MYRIP: variants seen among roughly 807,000 people sequenced by gnomAD.
The protein encoded by MYRIP is rab effector MyRIP.
MYRIP carries 49 observed loss-of-function variants against 98.0 expected under a neutral mutation model. The ratio of observed to expected loss-of-function variants is 0.50; its 90% CI spans 0.40 to 0.63. The LOEUF (loss-of-function observed/expected upper bound fraction) is 0.63, where lower values mean the gene tolerates loss of function less well. Ranked by LOEUF, MYRIP falls within the 30% of genes least tolerant of loss-of-function variation. The pLI is 0.00. For synonymous variants in MYRIP, 404 were observed against 409.5 expected, an observed-to-expected ratio of 0.99 and a Z score of 0.16; for missense variants, 1,004 against 1,058.2, an observed-to-expected ratio of 0.95 and a Z score of 0.71.
At chr3:39,874,880 C>T (rs946788436) in intron 1 of MYRIP, among the ~76,000 whole-genome samples, 2 of 152,070 alleles carry the variant, frequency 1.3e-5, no homozygotes, top group African/African-American at 4.8e-5. Context: ...AAGATTCCCT[C>T]TTTTTCTATT....
At chr3:39,844,013 C>T (rs1941886909) in intron 1 of MYRIP, among the ~76,000 whole-genome samples, 1 of 152,164 alleles carries the variant, frequency 6.6e-6, no homozygotes, top group Non-Finnish European at 1.5e-5. Context: ...GAGAGACCTC[C>T]ACAGATGTCA....
At position 39,868,325 on chromosome 3, in the gene MYRIP, G is replaced by T. The variant is rs145310489; in HGVS notation, c.-30-32462G>T. ...TTGTATCCATTTGACTTTTTTGGGG[G>T]TATTGAGGTCCCTAAAAGATAAATT... On this transcript the variant is annotated intron_variant, in intron 1 of 16. Transcript: ENST00000302541. Among the ~76,000 whole-genome samples the T allele has an allele frequency of 1.3e-3, 202 of 152,248 alleles. 4 individuals are homozygous for T. In the East Asian group the frequency reaches 0.017, roughly 13 times the overall value.
intron 1 of MYRIP, among the ~76,000 whole-genome samples, chr3:39,822,334 C>T (rs1226239322): frequency 1.3e-5 from 2 of 152,160 alleles, no homozygotes; most frequent in African/African-American, 4.8e-5. Context: ...ATACTTCTAG[C>T]TATTTGGAAC....
chr3:39,889,499 A>G (rs1482696423), intron 1 of MYRIP, among the ~76,000 whole-genome samples: 1 of 152,152 alleles, frequency 6.6e-6, no homozygotes, highest in African/African-American at 2.4e-5. Flanking sequence ...TGGACACAGG[A>G]AGGGGAACAT....
chr3:40,137,496 T>G (rs372151558), intron 3 of MYRIP, among the ~76,000 whole-genome samples: 20 of 152,194 alleles, frequency 1.3e-4, no homozygotes, highest in East Asian at 7.7e-4. Flanking sequence ...ACTATTCCAG[T>G]CAATAGAAAA....
At chr3:39,879,817 T>A (rs1385864493) in intron 1 of MYRIP, among the ~76,000 whole-genome samples, 1 of 152,078 alleles carries the variant, frequency 6.6e-6, no homozygotes, top group Non-Finnish European at 1.5e-5. Flanking sequence ...AGGTCTGGGA[T>A]CAGACAAGGA....
chr3:40,109,958 T>A (rs1470139058), intron 3 of MYRIP, among the ~76,000 whole-genome samples: 1 of 152,196 alleles, frequency 6.6e-6, no homozygotes, highest in African/African-American at 2.4e-5. Flanking sequence ...CAGGACACAG[T>A]CCCTGCCTAG....
rs371738545 is a variant in MYRIP at position 39,964,308 on chromosome 3, T to C, written c.110+63382T>C. Among the ~76,000 whole-genome samples, 8 of 152,212 alleles carry C rather than the reference T, an allele frequency of 5.3e-5. No homozygotes were observed. The East Asian group carries it at 1.5e-3, about 29-fold the overall frequency. The stretch of plus-strand genomic sequence containing the variant: ...GTTTTAAATGGTATACATGATAATA[T>C]AGCAGGTAAGAAGTTGCTGGCATGA... On this transcript the variant is annotated intron_variant, in intron 2 of 16. Transcript: ENST00000302541.
chr3:39,993,132 CTG>C, intron 2 of MYRIP, among the ~76,000 whole-genome samples: 1 of 152,230 alleles, frequency 6.6e-6, no homozygotes, highest in Non-Finnish European at 1.5e-5. Flanking sequence ...GGCATTCTTG[CTG>C]TGTCATCCCA....
At chr3:39,946,286 A>G (rs1191366224) in intron 2 of MYRIP, among the ~76,000 whole-genome samples, 2 of 152,156 alleles carry the variant, frequency 1.3e-5, no homozygotes, top group Non-Finnish European at 2.9e-5. Context: ...AAAATAAAGA[A>G]ATGAACATTG....
At chr3:40,083,892 C>CT (rs980707401) in intron 3 of MYRIP, among the ~76,000 whole-genome samples, 9 of 151,996 alleles carry the variant, frequency 5.9e-5, no homozygotes, top group African/African-American at 1.9e-4. Flanking sequence ...AATCCCAACA[C>CT]TTTGTGAGGC....
intron 3 of MYRIP, among the ~76,000 whole-genome samples, chr3:40,091,571 C>T (rs1948738074): frequency 6.6e-6 from 1 of 152,168 alleles, no homozygotes; most frequent in African/African-American, 2.4e-5. Context: ...CACCCCAGAC[C>T]TCTTCCTGTT....
At chr3:39,832,819 T>C (rs1941490895) in intron 1 of MYRIP, among the ~76,000 whole-genome samples, 1 of 152,206 alleles carries the variant, frequency 6.6e-6, no homozygotes, top group Non-Finnish European at 1.5e-5. Flanking sequence ...GGTGCCTGAA[T>C]ATATATCTTT....
chr3:39,901,366 AAGGAAACTGACCACC>A (rs1191855173), intron 2 of MYRIP, among the ~76,000 whole-genome samples: 1 of 152,196 alleles, frequency 6.6e-6, no homozygotes, highest in African/African-American at 2.4e-5. Context: ...GATCAGATAC[AAGGAAACTGACCACC>A]AGGCTGGGAT....
intron 2 of MYRIP, among the ~76,000 whole-genome samples, chr3:39,951,850 A>G (rs979934059): frequency 6.6e-5 from 10 of 152,102 alleles, no homozygotes; most frequent in African/African-American, 2.2e-4. Flanking sequence ...ATCTTTATAA[A>G]ACTGTCACTT....
At chr3:40,237,204 C>G (rs543459989) in intron 12 of MYRIP, among the ~76,000 whole-genome samples, 1 of 152,132 alleles carries the variant, frequency 6.6e-6, no homozygotes, top group Non-Finnish European at 1.5e-5. Context: ...AAGTTGAAGA[C>G]TCTCTTCCTT....
chr3:40,259,553 T>G lies in MYRIP; in HGVS notation c.*1387T>G, dbSNP rs554650531. Reference sequence around the variant, plus strand: ...ATTTGCCAAAGCCACACCTTTATGCTAATTATGATTGGAATGCATCACAAA... The same window carrying G: ...ATTTGCCAAAGCCACACCTTTATGCGAATTATGATTGGAATGCATCACAAA... On this transcript the variant is annotated 3_prime_UTR_variant, in exon 17 of 17. Transcript: ENST00000302541. 12 of 152,376 alleles carry G rather than the reference T, an allele frequency of 7.9e-5. No individual in the cohort carries two copies. The highest frequency in any genetic ancestry group is 2.2e-4 in the African/African-American group (9 of 41,586). The allele number at this position is 152,376 out of a possible 1,614,324, so 9.4% of individuals were successfully genotyped here.
At chr3:39,927,754 G>T (rs1391653615) in intron 2 of MYRIP, among the ~76,000 whole-genome samples, 1 of 151,864 alleles carries the variant, frequency 6.6e-6, no homozygotes, top group Non-Finnish European at 1.5e-5. Flanking sequence ...AAAACTACAG[G>T]CCAGTCTCCC....
chr3:40,243,112 G>A (rs1036882148), intron 12 of MYRIP, among the ~76,000 whole-genome samples: 7 of 152,178 alleles, frequency 4.6e-5, no homozygotes, highest in African/African-American at 1.7e-4. Context: ...AAACTGAAGT[G>A]TGGCAATTCC....
Sources: allele counts gnomAD v4.1 joint callset (sites outside exome capture counted in the v4.1 genomes callset), GRCh38; gene constraint gnomAD v4.1.1; transcripts MANE v1.5; gene names NCBI Gene and HGNC (gene_info 2026-07-23, HGNC 2026-07-21).